Variants in DAPK1 observed in about 807,000 individuals in gnomAD.
DAPK1 encodes death-associated protein kinase 1.
DAPK1 carries 56 observed loss-of-function variants against 144.9 expected under a neutral mutation model. The ratio of observed to expected loss-of-function variants is 0.39; its 90% CI spans 0.31 to 0.48. The LOEUF (loss-of-function observed/expected upper bound fraction) is 0.48. Ranked by LOEUF, DAPK1 falls within the 20% of genes least tolerant of loss-of-function variation. DAPK1 has a pLI of 0.95. For missense variants in DAPK1, 1,454 were observed against 1,875.4 expected (o/e 0.78, Z 4.15); for synonymous variants, 690 against 749.0 (o/e 0.92, Z 1.29).
At chr9:87,630,191 T>TA (rs1381822190) in intron 3 of DAPK1, among the ~76,000 whole-genome samples, 2 of 152,170 alleles carry the variant, frequency 1.3e-5, no homozygotes, top group Non-Finnish European at 2.9e-5. Context: ...GATTAAAGCC[T>TA]AAGGTTCTGG....
At chr9:87,565,238 C>G (rs931304569) in intron 2 of DAPK1, among the ~76,000 whole-genome samples, 4 of 142,996 alleles carry the variant, frequency 2.8e-5, no homozygotes, top group East Asian at 1.9e-4. Context: ...AAACGAGTGT[C>G]GAGGCTGTAG....
At chr9:87,597,034 G>C (rs529946438) in intron 2 of DAPK1, among the ~76,000 whole-genome samples, 1 of 152,026 alleles carries the variant, frequency 6.6e-6, no homozygotes, top group Non-Finnish European at 1.5e-5. Context: ...CTGGAGCTGC[G>C]GGCAGGAGCA....
intron 3 of DAPK1, among the ~76,000 whole-genome samples, chr9:87,634,820 G>A (rs1829833865): frequency 6.6e-6 from 1 of 152,102 alleles, no homozygotes; most frequent in Non-Finnish European, 1.5e-5. Context: ...AGATGGCCAT[G>A]GTGGGAATGT....
intron 7 of DAPK1, 51 bp downstream of exon 7, chr9:87,639,866 A>C (rs867849965): frequency 6.9e-6 from 11 of 1,587,592 alleles, no homozygotes; most frequent in Middle Eastern, 3.9e-4. Context: ...ATGAGACCAT[A>C]GGTTTAATTA....
intron 21 of DAPK1, among the ~76,000 whole-genome samples, chr9:87,687,636 CT>C (rs1448594382): frequency 6.6e-6 from 1 of 152,072 alleles, no homozygotes; most frequent in East Asian, 1.9e-4. Context: ...TACTGATTTC[CT>C]TTCCTTTGGA....
chr9:87,664,314 C>G (rs1830972958), intron 18 of DAPK1, among the ~76,000 whole-genome samples: 1 of 152,190 alleles, frequency 6.6e-6, no homozygotes, highest in Admixed American at 6.5e-5. Context: ...CCCCCTTCAC[C>G]CCCTGCGCAT....
At chr9:87,511,161 T>C (rs10868609) in intron 2 of DAPK1, among the ~76,000 whole-genome samples, 34,537 of 152,136 alleles carry the variant, frequency 0.23, 4,310 homozygotes, top group East Asian at 0.42. Context: ...TTGGCTCAGC[T>C]TGCCTGGTGG....
intron 3 of DAPK1, among the ~76,000 whole-genome samples, chr9:87,626,096 C>A (rs545177473): frequency 6.6e-6 from 1 of 152,230 alleles, no homozygotes; most frequent in Non-Finnish European, 1.5e-5. Flanking sequence ...TCATGTTTTC[C>A]ACTTATTCGA....
At chr9:87,675,565 A>G (rs1178398158) in intron 19 of DAPK1, among the ~76,000 whole-genome samples, 2 of 151,974 alleles carry the variant, frequency 1.3e-5, no homozygotes, top group Non-Finnish European at 2.9e-5. Context: ...CCAGCGGGTG[A>G]GGAGTTTGGG....
At chr9:87,582,266 G>A (rs1480900908) in intron 2 of DAPK1, among the ~76,000 whole-genome samples, 3 of 152,156 alleles carry the variant, frequency 2.0e-5, no homozygotes, top group African/African-American at 7.2e-5. Context: ...GGAGTTGGAG[G>A]TGAAATGAAT....
chr9:87,511,538 A>T (rs1824842401), intron 2 of DAPK1, among the ~76,000 whole-genome samples: 1 of 152,174 alleles, frequency 6.6e-6, no homozygotes, highest in Admixed American at 6.5e-5. Context: ...GCTCAGCAAG[A>T]AGGCTGCTTG....
chr9:87,601,917 C>G (rs1332395211), intron 2 of DAPK1, among the ~76,000 whole-genome samples: 2 of 152,168 alleles, frequency 1.3e-5, no homozygotes, highest in Non-Finnish European at 2.9e-5. Context: ...TCAGCTGCAG[C>G]ATATGTGCAT....
chr9:87,659,519 T>C (rs1207388984), intron 18 of DAPK1, among the ~76,000 whole-genome samples: 7 of 152,244 alleles, frequency 4.6e-5, no homozygotes, highest in Non-Finnish European at 7.3e-5. Context: ...CAGGCCATTA[T>C]TGAAGATGCC....
chr9:87,650,239 C>T (rs1395679105), intron 16 of DAPK1, 121 bp downstream of exon 16: 4 of 887,480 alleles, frequency 4.5e-6, no homozygotes, highest in East Asian at 2.6e-5. Context: ...CTGTAATTAC[C>T]CCGTCTCTTC....
At chr9:87,643,260 G>T in intron 10 of DAPK1, 116 bp from the exon 11 acceptor site, 1 of 615,096 alleles carries the variant, frequency 1.6e-6, no homozygotes, top group Non-Finnish European at 2.8e-6. Context: ...ACACGATCTC[G>T]CAGGCTTTGT....
At chr9:87,561,219 A>T (rs1826904576) in intron 2 of DAPK1, among the ~76,000 whole-genome samples, 1 of 152,064 alleles carries the variant, frequency 6.6e-6, no homozygotes, top group Admixed American at 6.5e-5. Context: ...CTCCCCAATC[A>T]TTGCTACAAA....
chr9:87,562,315 T>C (rs1355497918), intron 2 of DAPK1, among the ~76,000 whole-genome samples: 2 of 152,212 alleles, frequency 1.3e-5, no homozygotes, highest in African/African-American at 4.8e-5. Flanking sequence ...CTTGTCCTCC[T>C]GTGTCGTAAC....
At chr9:87,693,484 T>C (rs1326162115) in intron 21 of DAPK1, among the ~76,000 whole-genome samples, 2 of 152,154 alleles carry the variant, frequency 1.3e-5, no homozygotes, top group African/African-American at 4.8e-5. Context: ...ATCTTTGTAT[T>C]GTTTTTCTGG....
At chr9:87,701,171 A>G (rs969008122) in intron 24 of DAPK1, among the ~76,000 whole-genome samples, 17 of 152,212 alleles carry the variant, frequency 1.1e-4, no homozygotes, top group African/African-American at 2.7e-4. Flanking sequence ...TGGAAAATAA[A>G]TATGTCATTT....
Sources: allele counts gnomAD v4.1 joint callset (sites outside exome capture counted in the v4.1 genomes callset), GRCh38; gene constraint gnomAD v4.1.1; transcripts MANE v1.5; gene names NCBI Gene and HGNC (gene_info 2026-07-23, HGNC 2026-07-21).